The following AFF3 variants were observed in gnomAD, a reference collection of about 807,000 sequenced individuals.
AFF3 encodes ALF transcription elongation factor 3.
Under a neutral mutation model 129.7 loss-of-function variants are expected in AFF3, and 32 were observed. The ratio of observed to expected loss-of-function variants is 0.25; its 90% CI spans 0.19 to 0.33. The LOEUF (loss-of-function observed/expected upper bound fraction) is 0.33, where lower values mean the gene tolerates loss of function less well. AFF3 is among the 10% of genes least tolerant of loss of function. The pLI is 1.00. For synonymous variants in AFF3, 644 were observed against 635.4 expected (o/e 1.01, Z -0.20); for missense variants, 1,373 against 1,592.0 (o/e 0.86, Z 2.34).
At chr2:99,686,146 C>T (rs1408301294) in intron 11 of AFF3, among the ~76,000 whole-genome samples, 3 of 151,904 alleles carry the variant, frequency 2.0e-5, no homozygotes, top group Admixed American at 6.6e-5. Context: ...GCCGAGATTG[C>T]GCCACTGCAC....
intron 4 of AFF3, among the ~76,000 whole-genome samples, chr2:100,099,751 G>T (rs1431919481): frequency 1.3e-5 from 2 of 152,126 alleles, no homozygotes; most frequent in Non-Finnish European, 2.9e-5. Flanking sequence ...GTACAGCAGG[G>T]TTTCCTAAAC....
rs1347906445 is a variant in AFF3, at chr2:99,578,402, G to A, written c.2843C>T (p.Pro948Leu). 11 of 1,611,122 alleles carry A rather than the reference G, an allele frequency of 6.8e-6. No homozygotes were observed. Among genetic ancestry groups the A allele is most frequent in the Non-Finnish European group, 8.5e-6 (10 of 1,179,008 alleles). The change falls in exon 18 of 25, where the codon CCG (proline) becomes CTG (leucine). Residue 948 changes from proline (P) to leucine (L), a missense_variant. Coordinates refer to ENST00000672756, the MANE Select transcript of AFF3 (RefSeq NM_001386135.1). ...GCCTGGAGACCACGGCTTCGTCTGC[G>A]GCCGTGACTTGTGGAGGGGAATGTT... ...SENIPLHKSRPQTKPWSPGSN... is the reference protein window; with the variant it reads ...SENIPLHKSRLQTKPWSPGSN...
intron 4 of AFF3, among the ~76,000 whole-genome samples, chr2:100,013,686 CCAGT>C (rs1165436949): frequency 6.6e-6 from 1 of 152,018 alleles, no homozygotes; most frequent in Non-Finnish European, 1.5e-5. Context: ...AAGCTATTTC[CCAGT>C]CAGACAGAGA....
At chr2:99,721,013 T>C (rs954402707) in intron 11 of AFF3, among the ~76,000 whole-genome samples, 1 of 152,228 alleles carries the variant, frequency 6.6e-6, no homozygotes, top group Non-Finnish European at 1.5e-5. Flanking sequence ...ATATTTTGAT[T>C]CTTACATTAA....
rs553475604 is a variant in AFF3, at chr2:99,700,957, C to T, written c.1091+26120G>A. Among the ~76,000 whole-genome samples, 3 of 152,268 alleles carry T rather than the reference C, an allele frequency of 2.0e-5. No individual in the cohort carries two copies. In the South Asian group the frequency reaches 6.2e-4, roughly 32 times the overall value. ...ACGTGTACTCAGGGATTGAGGAGGC[C>T]CAATGCTTTCACACTTCGTAAATTC... On this transcript the variant is annotated intron_variant, in intron 11 of 24. Coordinates refer to ENST00000672756, the MANE Select transcript of AFF3 (RefSeq NM_001386135.1).
chr2:99,935,999 T>TA (rs1674490940), intron 7 of AFF3, among the ~76,000 whole-genome samples: 1 of 152,152 alleles, frequency 6.6e-6, no homozygotes, highest in African/African-American at 2.4e-5. Context: ...AATCACTGAA[T>TA]AAAAGCAGGA....
chr2:100,037,706 ATATT>A (rs1018879102), intron 4 of AFF3, among the ~76,000 whole-genome samples: 7 of 125,588 alleles, frequency 5.6e-5, no homozygotes, highest in African/African-American at 2.1e-4. Flanking sequence ...TATATATTAT[ATATT>A]TATATATTAT....
intron 4 of AFF3, among the ~76,000 whole-genome samples, chr2:100,066,336 G>A (rs1256141651): frequency 6.6e-6 from 1 of 152,086 alleles, no homozygotes; most frequent in Admixed American, 6.6e-5. Flanking sequence ...TGGAGGAAGG[G>A]GTGGTATCTG....
At position 99,547,804 on chromosome 2, in the gene AFF3, G is replaced by A; in HGVS notation, c.*3670C>T. 4.8e-6 allele frequency: 1 copy of A among 210,440 alleles called. No homozygotes were observed. Among genetic ancestry groups the A allele is most frequent in the East Asian group, 7.2e-5 (1 of 13,892 alleles). The allele number at this position is 210,440 out of a possible 1,614,324, so 13.0% of individuals were successfully genotyped here. ...TACAAACTGTGTATATTATGTATGG[G>A]GTGTCAGAAATGTACACATCACTGT... On this transcript the variant is annotated 3_prime_UTR_variant, in exon 25 of 25. Transcript: ENST00000672756.
intron 10 of AFF3, among the ~76,000 whole-genome samples, chr2:99,735,064 G>C (rs1680138298): frequency 2.0e-5 from 3 of 151,988 alleles, no homozygotes; most frequent in Admixed American, 2.0e-4. Context: ...GATTATTCAG[G>C]TTATATTTAT....
chr2:99,563,145 G>A (rs1184935534), intron 20 of AFF3, among the ~76,000 whole-genome samples: 4 of 152,042 alleles, frequency 2.6e-5, no homozygotes, highest in Admixed American at 1.3e-4. Context: ...GGAGAGGAGG[G>A]TCAGGCAGGG....
At chr2:99,936,411 G>A (rs968297729) in intron 7 of AFF3, among the ~76,000 whole-genome samples, 1 of 152,088 alleles carries the variant, frequency 6.6e-6, no homozygotes, top group Non-Finnish European at 1.5e-5. Context: ...GAAATGAAAG[G>A]GACAAGGGAG....
In AFF3 at chr2:99,545,430, T is replaced by C. The variant is rs1017838768; in HGVS notation, c.*6044A>G. On this transcript the variant is annotated 3_prime_UTR_variant, in exon 25 of 25. Transcript: ENST00000672756. Reference sequence around the variant, plus strand: ...AACGATAAGGAAACTAGAACATTGATATTATTTTAATTACCCAACAGCACT... The same window carrying C: ...AACGATAAGGAAACTAGAACATTGACATTATTTTAATTACCCAACAGCACT... 6 of 152,250 alleles carry C rather than the reference T, an allele frequency of 3.9e-5. No homozygotes were observed. Among genetic ancestry groups the C allele is most frequent in the East Asian group, 1.9e-4 (1 of 5,202 alleles). 9.4% of individuals were successfully genotyped at this position (152,250 alleles called of 1,614,324 possible).
At chr2:99,711,148 C>G (rs1220026741) in intron 11 of AFF3, among the ~76,000 whole-genome samples, 1 of 152,026 alleles carries the variant, frequency 6.6e-6, no homozygotes, top group Non-Finnish European at 1.5e-5. Flanking sequence ...AAATACCAGC[C>G]CTTTCTTCAG....
chr2:99,824,285 T>C (rs1687914992), intron 8 of AFF3, among the ~76,000 whole-genome samples: 1 of 152,038 alleles, frequency 6.6e-6, no homozygotes, highest in Admixed American at 6.5e-5. Context: ...CCAGCTAATT[T>C]TGTGTGTTTA....
At chr2:100,036,250 C>T (rs1405511449) in intron 4 of AFF3, among the ~76,000 whole-genome samples, 1 of 151,830 alleles carries the variant, frequency 6.6e-6, no homozygotes, top group Admixed American at 6.6e-5. Flanking sequence ...ATGTGCCAGC[C>T]CTTTCCCAGC....
chr2:99,862,060 T>C (rs1271867791), intron 7 of AFF3, among the ~76,000 whole-genome samples: 5 of 152,190 alleles, frequency 3.3e-5, no homozygotes, highest in Non-Finnish European at 1.5e-5. Flanking sequence ...TTTTCTTCAC[T>C]GATTAGTTTT....
chr2:99,559,463 T>A (rs1210286237), intron 21 of AFF3, among the ~76,000 whole-genome samples: 1 of 152,280 alleles, frequency 6.6e-6, no homozygotes, highest in African/African-American at 2.4e-5. Flanking sequence ...GCCATCATTA[T>A]AAACAACAAA....
intron 7 of AFF3, among the ~76,000 whole-genome samples, chr2:99,890,572 A>C (rs987057447): frequency 6.6e-6 from 1 of 152,086 alleles, no homozygotes; most frequent in African/African-American, 2.4e-5. Context: ...GGAGCCCCGG[A>C]GCAGGAGGAA....
Sources: gnomAD v4.1 joint callset for allele counts (sites outside exome capture counted in the v4.1 genomes callset) on GRCh38, gnomAD v4.1.1 for gene constraint, MANE v1.5 for transcripts, NCBI Gene and HGNC (gene_info 2026-07-23, HGNC 2026-07-21) for gene names.